Variants in ROBO2 observed in about 807,000 individuals in gnomAD.
ROBO2 encodes roundabout homolog 2.
In ROBO2, 53 loss-of-function variants were observed where a neutral mutation model predicts 160.8. The ratio of observed to expected loss-of-function variants is 0.33; its 90% CI spans 0.26 to 0.41. ROBO2 has a LOEUF of 0.41. Ranked by LOEUF, ROBO2 falls within the 10% of genes least tolerant of loss-of-function variation. The pLI is 1.00. For missense variants in ROBO2, 1,577 were observed against 1,722.4 expected (o/e 0.92, Z 1.49); for synonymous variants, 664 against 611.7 (o/e 1.09, Z -1.26).
chr3:76,959,972 T>G (rs1042773741), intron 2 of ROBO2, among the ~76,000 whole-genome samples: 1 of 152,118 alleles, frequency 6.6e-6, no homozygotes, highest in Non-Finnish European at 1.5e-5. Context: ...TTTACTGATT[T>G]TTATATATTT....
At chr3:76,459,343 G>A (rs1303674032) in intron 2 of ROBO2, among the ~76,000 whole-genome samples, 1 of 152,076 alleles carries the variant, frequency 6.6e-6, no homozygotes, top group Non-Finnish European at 1.5e-5. Context: ...AATTTCAACG[G>A]TGTAACATTC....
intron 2 of ROBO2, among the ~76,000 whole-genome samples, chr3:76,731,466 A>G (rs919221297): frequency 3.3e-5 from 5 of 151,952 alleles, no homozygotes; most frequent in African/African-American, 9.7e-5. Context: ...CAAATTCTCA[A>G]TTCTAGGACA....
chr3:76,781,702 G>A (rs78144800), intron 2 of ROBO2, among the ~76,000 whole-genome samples: 294 of 150,690 alleles, frequency 2.0e-3, no homozygotes, highest in African/African-American at 6.2e-3. Context: ...ACTGATTTGC[G>A]TATGTTAAAT....
At position 76,435,325 on chromosome 3, in the gene ROBO2, C is replaced by T. The variant is rs1433295282; in HGVS notation, c.109+497723C>T. 6.0e-6 allele frequency: 5 copies of T among 836,550 alleles called. No individual in the cohort carries two copies. In the African/African-American group the frequency reaches 8.3e-5, roughly 14 times the overall value. 51.8% of individuals were successfully genotyped at this position (836,550 alleles called of 1,614,324 possible). A position where few individuals can be genotyped will look rare whatever the true frequency, so the allele number is the denominator to read the frequency against. ...TCTTCCTAGATGAACACCCTCATTC[C>T]TACAGAAGGCGGTGACTTTAATGAA... On this transcript the variant is annotated intron_variant, in intron 2 of 26. Transcript: ENST00000487694.
At chr3:76,159,283 C>T (rs985060178) in intron 2 of ROBO2, among the ~76,000 whole-genome samples, 2 of 152,106 alleles carry the variant, frequency 1.3e-5, no homozygotes, top group African/African-American at 4.8e-5. Context: ...TCATACAAGC[C>T]CATGAAACAC....
intron 2 of ROBO2, among the ~76,000 whole-genome samples, chr3:76,301,364 A>T (rs1027890807): frequency 6.6e-6 from 1 of 152,114 alleles, no homozygotes; most frequent in Non-Finnish European, 1.5e-5. Context: ...ATATTATCTA[A>T]AGCAGTTGAG....
chr3:77,080,219 T>G (rs923467662), intron 1 of ROBO2, among the ~76,000 whole-genome samples: 1 of 152,112 alleles, frequency 6.6e-6, no homozygotes, highest in Non-Finnish European at 1.5e-5. Flanking sequence ...ACACCGTAAG[T>G]CACGTACCTA....
intron 5 of ROBO2, among the ~76,000 whole-genome samples, chr3:77,515,604 C>T (rs1314283620): frequency 1.3e-5 from 2 of 151,644 alleles, no homozygotes; most frequent in Admixed American, 1.3e-4. Context: ...TCTTTGAACC[C>T]ATTAGGAAAA....
intron 6 of ROBO2, among the ~76,000 whole-genome samples, chr3:77,524,616 A>T (rs1030839260): frequency 2.0e-5 from 3 of 151,364 alleles, no homozygotes; most frequent in Non-Finnish European, 4.4e-5. Flanking sequence ...GAATGCTTGG[A>T]TGAGTGAGAC....
intron 2 of ROBO2, among the ~76,000 whole-genome samples, chr3:76,547,374 A>G (rs373643423): frequency 1.3e-4 from 19 of 151,934 alleles, no homozygotes; most frequent in African/African-American, 3.9e-4. Context: ...CTTAAAGCCT[A>G]TGTATTGTCA....
intron 2 of ROBO2, among the ~76,000 whole-genome samples, chr3:76,476,487 GA>G (rs1466819878): frequency 6.6e-6 from 1 of 151,898 alleles, no homozygotes; most frequent in Non-Finnish European, 1.5e-5. Context: ...TCTTTTTATT[GA>G]AAAAAATAAT....
At chr3:77,465,095 A>T (rs982726268) in intron 2 of ROBO2, among the ~76,000 whole-genome samples, 3 of 152,196 alleles carry the variant, frequency 2.0e-5, no homozygotes, top group African/African-American at 7.2e-5. Flanking sequence ...GTTCATCAAG[A>T]GTACCGAGAA....
chr3:76,420,945 T>C (rs951778690), intron 2 of ROBO2, among the ~76,000 whole-genome samples: 2 of 152,158 alleles, frequency 1.3e-5, no homozygotes, highest in African/African-American at 4.8e-5. Context: ...TAAGAAGAAG[T>C]GAACTGACAA....
chr3:76,942,470 T>G, intron 2 of ROBO2, among the ~76,000 whole-genome samples: 1 of 152,324 alleles, frequency 6.6e-6, no homozygotes, highest in Non-Finnish European at 1.5e-5. Flanking sequence ...TGCTTATAAT[T>G]TTTTGCTTGG....
chr3:76,557,388 T>C (rs1424730614), intron 2 of ROBO2, among the ~76,000 whole-genome samples: 1 of 152,006 alleles, frequency 6.6e-6, no homozygotes, highest in Non-Finnish European at 1.5e-5. Flanking sequence ...AAATATTATC[T>C]CTGCAGAGCA....
In ROBO2 at chr3:77,563,449, T is replaced by C. The variant is rs1011692317; in HGVS notation, c.1682+120T>C. The stretch of plus-strand genomic sequence containing the variant: ...TGTCCAATCAATGCATTTTAAGAAT[T>C]GATCTCTTCTCTCTGACTTTATTCA... On this transcript the variant is annotated intron_variant, in intron 11 of 25. Transcript: ENST00000461745. 16 of 974,270 alleles carry C rather than the reference T, an allele frequency of 1.6e-5. No individual in the cohort carries two copies. In the Admixed American group the frequency reaches 1.8e-4, roughly 11 times the overall value. 60.4% of individuals were successfully genotyped at this position (974,270 alleles called of 1,614,324 possible).
At chr3:77,630,691 C>T (rs2095142296) in intron 23 of ROBO2, 1 of 151,518 alleles carries the variant, frequency 6.6e-6, no homozygotes, top group African/African-American at 2.4e-5. Flanking sequence ...AAGTGCTTCA[C>T]AAAAATAATG....
chr3:76,394,746 T>C (rs1394943225), intron 2 of ROBO2, among the ~76,000 whole-genome samples: 1 of 151,836 alleles, frequency 6.6e-6, no homozygotes, highest in Non-Finnish European at 1.5e-5. Context: ...TACATAACGG[T>C]AAAGGGATCA....
chr3:76,229,100 A>AT lies in ROBO2; in HGVS notation c.109+291507dup, dbSNP rs200623782. Reference sequence around the variant, plus strand: ...ATTCTCTAGTATATCAGTTTCCACAATTTTTTTTTGGAAAGAAAACCCACT... The same window carrying AT: ...ATTCTCTAGTATATCAGTTTCCACAATTTTTTTTTTGGAAAGAAAACCCACT... On this transcript the variant is annotated intron_variant, in intron 2 of 26. Coordinates refer to the ROBO2 transcript ENST00000487694. Among the ~76,000 whole-genome samples the AT allele has an allele frequency of 1.9e-3, 287 of 151,670 alleles. 1 individual carries two copies. Among genetic ancestry groups the AT allele is most frequent in the African/African-American group, 5.8e-3 (241 of 41,406 alleles).
Sources: gnomAD v4.1 joint callset for allele counts (sites outside exome capture counted in the v4.1 genomes callset) on GRCh38, gnomAD v4.1.1 for gene constraint, MANE v1.5 for transcripts, NCBI Gene and HGNC (gene_info 2026-07-23, HGNC 2026-07-21) for gene names.